PPP1R12A: variants seen among roughly 807,000 people sequenced by gnomAD.
PPP1R12A encodes protein phosphatase 1 regulatory subunit 12A.
In PPP1R12A, 19 loss-of-function variants were observed where a neutral mutation model predicts 139.6. The observed-to-expected ratio is 0.14, with a 90% CI of 0.09 to 0.20. The LOEUF is 0.20. Ranked by LOEUF, PPP1R12A falls within the 10% of genes least tolerant of loss-of-function variation. The probability of loss-of-function intolerance (pLI) is 1.00; values close to 1 mark genes in which losing one functional copy is unlikely to be tolerated. For synonymous variants in PPP1R12A, 427 were observed against 420.6 expected, an observed-to-expected ratio of 1.02 and a Z score of -0.19; for missense variants, 925 against 1,211.5, an observed-to-expected ratio of 0.76 and a Z score of 3.51.
At chr12:79,887,476 T>C (rs1884212588) in intron 1 of PPP1R12A, among the ~76,000 whole-genome samples, 1 of 152,108 alleles carries the variant, frequency 6.6e-6, no homozygotes, top group African/African-American at 2.4e-5. Flanking sequence ...AAAAATGCTA[T>C]GAAATTTAAC....
chr12:79,928,419 G>A (rs546768191), intron 1 of PPP1R12A, among the ~76,000 whole-genome samples: 2 of 152,286 alleles, frequency 1.3e-5, no homozygotes, highest in South Asian at 4.1e-4. Context: ...AGGAAGTGAG[G>A]GGCCAGTTTG....
At position 79,775,498 on chromosome 12, in the gene PPP1R12A, T is replaced by C. The variant is rs1592593107; in HGVS notation, c.*431A>G. ...TTAAATATCGAAAAACTCGAAACTG[T>C]GGCACATCAAAAAATGTTGAGTAAC... On this transcript the variant is annotated 3_prime_UTR_variant, in exon 25 of 25. Coordinates refer to ENST00000450142, the MANE Select transcript of PPP1R12A (RefSeq NM_002480.3). The C allele has an allele frequency of 6.5e-6, 1 of 152,736 alleles. No homozygotes were observed. Among genetic ancestry groups the C allele is most frequent in the African/African-American group, 2.4e-5 (1 of 41,526 alleles). The allele number at this position is 152,736 out of a possible 1,614,324, so 9.5% of individuals were successfully genotyped here.
intron 1 of PPP1R12A, among the ~76,000 whole-genome samples, chr12:79,885,790 C>T (rs1236651566): frequency 6.6e-6 from 1 of 152,114 alleles, no homozygotes; most frequent in African/African-American, 2.4e-5. Flanking sequence ...AGGTAATAGG[C>T]AAATTAGTTT....
rs1337014924 is a variant in PPP1R12A, at chr12:79,793,127, A to G, written c.2649+736T>C. Among the ~76,000 whole-genome samples the G allele has an allele frequency of 2.0e-5, 3 of 152,192 alleles. No homozygotes were observed. The East Asian group carries it at 5.8e-4, about 29-fold the overall frequency. On this transcript the variant is annotated intron_variant, in intron 19 of 24. Transcript: ENST00000450142. ...TGACCAGAATGCTATTTCATGCTAG[A>G]CAGTGCCAGGTTTAGACTCGTGTTG...
intron 2 of PPP1R12A, among the ~76,000 whole-genome samples, chr12:79,869,441 T>C (rs1167510415): frequency 5.3e-5 from 8 of 152,166 alleles, no homozygotes; most frequent in Admixed American, 4.6e-4. Context: ...ATGCAGTTAG[T>C]AAAGAAGCAT....
At chr12:79,846,596 ATTTTTTTTT>A (rs74933339) in intron 2 of PPP1R12A, among the ~76,000 whole-genome samples, 3 of 127,706 alleles carry the variant, frequency 2.3e-5, no homozygotes, top group Non-Finnish European at 3.3e-5. Context: ...CGCGTGGCTC[ATTTTTTTTT>A]TTTTTTTTTG....
intron 22 of PPP1R12A, among the ~76,000 whole-genome samples, chr12:79,785,742 CTTTT>C (rs1231169023): frequency 2.0e-5 from 3 of 151,144 alleles, no homozygotes; most frequent in Non-Finnish European, 4.4e-5. Context: ...GATCACAAAG[CTTTT>C]TTTTTGTTTT....
chr12:79,855,734 A>C (rs866395080), intron 2 of PPP1R12A, among the ~76,000 whole-genome samples: 5 of 152,128 alleles, frequency 3.3e-5, no homozygotes, highest in Admixed American at 6.5e-5. Flanking sequence ...ATTTACAGTT[A>C]AGTGAGATAA....
chr12:79,859,350 G>GAAAAAAAAA (rs1881048664), intron 2 of PPP1R12A, among the ~76,000 whole-genome samples: 1 of 36,888 alleles, frequency 2.7e-5, no homozygotes. Flanking sequence ...AAAAAAAAAA[G>GAAAAAAAAA]AAAGAAAAAA....
At chr12:79,868,628 G>T (rs986501091) in intron 2 of PPP1R12A, among the ~76,000 whole-genome samples, 5 of 152,016 alleles carry the variant, frequency 3.3e-5, no homozygotes, top group African/African-American at 1.2e-4. Context: ...GAGGGGCCCT[G>T]GTGTCTCTTT....
chr12:79,894,910 ACTAT>A (rs1398737609), intron 1 of PPP1R12A, among the ~76,000 whole-genome samples: 1 of 152,142 alleles, frequency 6.6e-6, no homozygotes, highest in African/African-American at 2.4e-5. Context: ...TCCTCTTAAA[ACTAT>A]CTGACAACTT....
chr12:79,786,265 C>T, intron 22 of PPP1R12A, 109 bp downstream of exon 22: 1 of 629,094 alleles, frequency 1.6e-6, no homozygotes, highest in Middle Eastern at 3.7e-4. Flanking sequence ...CTTCTATTAC[C>T]AATTATCAAA....
chr12:79,799,201 TG>T (rs1565745316), intron 14 of PPP1R12A, among the ~76,000 whole-genome samples: 1 of 152,090 alleles, frequency 6.6e-6, no homozygotes, highest in Non-Finnish European at 1.5e-5. Context: ...CAGGCTGGAG[TG>T]CAGTGGCGCG....
At chr12:79,824,993 C>T (rs1876590739) in intron 5 of PPP1R12A, 1 of 152,050 alleles carries the variant, frequency 6.6e-6, no homozygotes, top group African/African-American at 2.4e-5. Flanking sequence ...TTTTTAGGTA[C>T]AACCTCTTCA....
At position 79,901,077 on chromosome 12, in the gene PPP1R12A, C is replaced by T. The variant is rs1466435237; in HGVS notation, c.238-28139G>A. ...TGGAAGGAACAGTTAAGTAAATAAACAATTACAGAACCGTTACAGAAATAT... is the reference window on the plus strand; with the variant it reads ...TGGAAGGAACAGTTAAGTAAATAAATAATTACAGAACCGTTACAGAAATAT... On this transcript the variant is annotated intron_variant, in intron 1 of 24. Coordinates refer to ENST00000450142, the MANE Select transcript of PPP1R12A (RefSeq NM_002480.3). Among the ~76,000 whole-genome samples the T allele has an allele frequency of 2.6e-5, 4 of 152,170 alleles. No individual in the cohort carries two copies. In the East Asian group the frequency reaches 7.7e-4, roughly 29 times the overall value.
chr12:79,812,451 G>T (rs997195648), intron 9 of PPP1R12A, among the ~76,000 whole-genome samples: 2 of 147,732 alleles, frequency 1.4e-5, no homozygotes, highest in East Asian at 2.0e-4. Context: ...GTGTGTGTTT[G>T]TGTGTGTGTG....
At chr12:79,829,597 A>G (rs1432986224) in intron 4 of PPP1R12A, among the ~76,000 whole-genome samples, 1 of 151,964 alleles carries the variant, frequency 6.6e-6, no homozygotes, top group Non-Finnish European at 1.5e-5. Flanking sequence ...ATTGCCTATC[A>G]CCTGCCTGCA....
At chr12:79,880,094 T>C (rs556574870) in intron 1 of PPP1R12A, among the ~76,000 whole-genome samples, 1 of 152,268 alleles carries the variant, frequency 6.6e-6, no homozygotes, top group East Asian at 1.9e-4. Flanking sequence ...CTATTTTTCA[T>C]ATTATATATA....
intron 3 of PPP1R12A, among the ~76,000 whole-genome samples, chr12:79,836,697 C>G (rs1240542132): frequency 1.3e-5 from 2 of 152,040 alleles, no homozygotes; most frequent in African/African-American, 4.8e-5. Flanking sequence ...CTTAGCTCAT[C>G]AAAAACTTGA....
Sources: allele counts gnomAD v4.1 joint callset (sites outside exome capture counted in the v4.1 genomes callset), GRCh38; gene constraint gnomAD v4.1.1; transcripts MANE v1.5; gene names NCBI Gene and HGNC (gene_info 2026-07-23, HGNC 2026-07-21).